WDR41: variants seen among roughly 807,000 people sequenced by gnomAD.
The protein encoded by WDR41 is WD repeat domain 41, also known as WD repeat-containing protein 41.
In WDR41, 63 loss-of-function variants were observed where a neutral mutation model predicts 69.3. The observed-to-expected ratio is 0.91, with a 90% confidence interval of 0.74 to 1.12. The LOEUF (loss-of-function observed/expected upper bound fraction) is 1.12, where lower values mean the gene tolerates loss of function less well. WDR41 is among the 50% of genes most tolerant of loss of function. The pLI, the probability that WDR41 is intolerant of heterozygous loss-of-function variation, is 0.00. For missense variants in WDR41, 543 were observed against 534.5 expected, an observed-to-expected ratio of 1.02 and a Z score of -0.16; for synonymous variants, 185 against 192.1, an observed-to-expected ratio of 0.96 and a Z score of 0.31.
At chr5:77,483,657 G>A (rs1801389016) in intron 2 of WDR41, among the ~76,000 whole-genome samples, 1 of 152,008 alleles carries the variant, frequency 6.6e-6, no homozygotes, top group Non-Finnish European at 1.5e-5. Context: ...CACATTAGAG[G>A]TTGCAAAATT....
intron 1 of WDR41, among the ~76,000 whole-genome samples, chr5:77,617,350 A>C (rs576380639): frequency 2.0e-5 from 3 of 152,312 alleles, no homozygotes; most frequent in African/African-American, 4.8e-5. Context: ...TTATATACAA[A>C]ACATTCTTTA....
rs145128138 is a variant in WDR41, at chr5:77,446,961, G to C, written c.697+2799C>G. Among the ~76,000 whole-genome samples, 527 of 152,238 alleles carry C rather than the reference G, an allele frequency of 3.5e-3. 4 individuals carry two copies. Among genetic ancestry groups the C allele is most frequent in the African/African-American group, 0.012 (496 of 41,544 alleles). On this transcript the variant is annotated intron_variant, in intron 8 of 12. Coordinates refer to ENST00000296679, the MANE Select transcript of WDR41 (RefSeq NM_018268.4). Reference sequence around the variant, plus strand: ...ACTAAAGAGCTTCTGCACAGCAAAAGAAACTACCATCAGAGTGAAAAGGCA... The same window carrying C: ...ACTAAAGAGCTTCTGCACAGCAAAACAAACTACCATCAGAGTGAAAAGGCA...
intron 1 of WDR41, among the ~76,000 whole-genome samples, chr5:77,521,260 C>T (rs955097159): frequency 1.3e-5 from 2 of 152,202 alleles, no homozygotes; most frequent in African/African-American, 4.8e-5. Context: ...ACCTATATAC[C>T]TCGCATGCGC....
intron 2 of WDR41, among the ~76,000 whole-genome samples, chr5:77,482,850 C>A (rs1581756474): frequency 6.7e-6 from 1 of 148,492 alleles, no homozygotes; most frequent in African/African-American, 2.5e-5. Context: ...GTCCTCCCCA[C>A]ATCTACCTGA....
intron 1 of WDR41, among the ~76,000 whole-genome samples, chr5:77,500,211 A>G (rs1236558749): frequency 2.0e-5 from 3 of 152,266 alleles, no homozygotes; most frequent in South Asian, 4.1e-4. Flanking sequence ...TGAAACAAAC[A>G]TTAAAACACA....
intron 2 of WDR41, among the ~76,000 whole-genome samples, chr5:77,474,448 T>A (rs938754885): frequency 6.6e-6 from 1 of 151,968 alleles, no homozygotes; most frequent in East Asian, 1.9e-4. Context: ...ACAAAAAAAA[T>A]CACAATTTTC....
chr5:77,526,364 T>G (rs1802447264), intron 1 of WDR41, among the ~76,000 whole-genome samples: 1 of 152,128 alleles, frequency 6.6e-6, no homozygotes, highest in African/African-American at 2.4e-5. Flanking sequence ...AATGATCCCT[T>G]AATATCATCT....
rs565440780 is a variant in WDR41, at chr5:77,577,440, A to G, written c.42+43039T>C. ...TCTCGGTAGTAATCAAGAGATGCAAATTAATAAAACAAAGAGAATCATTTC... is the reference window on the plus strand; with the variant it reads ...TCTCGGTAGTAATCAAGAGATGCAAGTTAATAAAACAAAGAGAATCATTTC... On this transcript the variant is annotated intron_variant, in intron 1 of 5. Coordinates refer to the WDR41 transcript ENST00000509971. Among the ~76,000 whole-genome samples, 45 of 152,326 alleles carry G rather than the reference A, an allele frequency of 3.0e-4. 2 individuals are homozygous for G. The South Asian group carries it at 9.3e-3, about 32-fold the overall frequency.
At chr5:77,464,559 T>G (rs147691651) in intron 3 of WDR41, among the ~76,000 whole-genome samples, 17 of 152,102 alleles carry the variant, frequency 1.1e-4, no homozygotes, top group Non-Finnish European at 2.2e-4. Context: ...AAAAAAAATC[T>G]CAATTTAAAA....
At chr5:77,594,447 T>G (rs1744189977) in intron 1 of WDR41, among the ~76,000 whole-genome samples, 1 of 151,534 alleles carries the variant, frequency 6.6e-6, no homozygotes, top group Non-Finnish European at 1.5e-5. Context: ...AAAAAAGAAA[T>G]AAAAAAAGAA....
Position 77,438,343 on chromosome 5 carries a change from C to T in WDR41, c.901G>A (p.Gly301Arg), listed in dbSNP as rs560941217. 1.2e-5 allele frequency: 19 copies of T among 1,613,960 alleles called. No homozygotes were observed. The African/African-American group carries it at 2.5e-4, about 22-fold the overall frequency. The change falls in exon 10 of 13, where the codon GGA becomes AGA. Residue 301 changes from glycine to arginine, a missense_variant. Physicochemically the swap from Gly to Arg is moderately radical, Grantham distance 125 (BLOSUM62 -2). Transcript: ENST00000296679. Reference protein sequence around the residue: ...CDEENVFAAVGRGLYVYSLQM... With the variant: ...CDEENVFAAVRRGLYVYSLQM... The stretch of plus-strand genomic sequence containing the variant: ...AGGCTATACACGTATAAACCCCTTC[C>T]AACTGCAGCAAATACATTCTAGGGG...
chr5:77,608,974 C>A (rs577277570), intron 1 of WDR41, among the ~76,000 whole-genome samples: 1 of 152,302 alleles, frequency 6.6e-6, no homozygotes, highest in South Asian at 2.1e-4. Context: ...TTCCGACGGG[C>A]TTAAAAAACG....
intron 2 of WDR41, among the ~76,000 whole-genome samples, chr5:77,483,474 G>T (rs529079790): frequency 1.6e-3 from 212 of 130,908 alleles, no homozygotes; most frequent in African/African-American, 6.0e-3. Context: ...CGAGTTACCT[G>T]AATACTCGTG....
At chr5:77,508,819 TC>T (rs35870105) in intron 1 of WDR41, among the ~76,000 whole-genome samples, 82,616 of 151,542 alleles carry the variant, frequency 0.55, 23,921 homozygotes, top group African/African-American at 0.73. Flanking sequence ...GCGTGAAGCT[TC>T]TGTACTCATC....
chr5:77,529,788 T>C (rs1474848617), intron 1 of WDR41, among the ~76,000 whole-genome samples: 3 of 151,604 alleles, frequency 2.0e-5, no homozygotes, highest in East Asian at 1.9e-4. Context: ...CTTTAAAAGA[T>C]AAATGGTTCT....
intron 1 of WDR41, among the ~76,000 whole-genome samples, chr5:77,525,594 A>G (rs1802434229): frequency 6.6e-6 from 1 of 152,106 alleles, no homozygotes; most frequent in African/African-American, 2.4e-5. Context: ...GGGTTTAGGG[A>G]AGATCTAGAC....
At chr5:77,437,726 CT>C (rs1304797494) in intron 10 of WDR41, among the ~76,000 whole-genome samples, 1 of 152,140 alleles carries the variant, frequency 6.6e-6, no homozygotes, top group African/African-American at 2.4e-5. Flanking sequence ...CCCTTCCCTC[CT>C]CTTGCTACCT....
chr5:77,448,267 T>C (rs541183221), intron 8 of WDR41, among the ~76,000 whole-genome samples: 1 of 152,302 alleles, frequency 6.6e-6, no homozygotes, highest in East Asian at 1.9e-4. Flanking sequence ...TTCAGAGGGC[T>C]TCCCAAATAA....
intron 1 of WDR41, among the ~76,000 whole-genome samples, chr5:77,617,013 C>T (rs1340126574): frequency 6.6e-6 from 1 of 152,220 alleles, no homozygotes; most frequent in African/African-American, 2.4e-5. Flanking sequence ...TGTCCATGTC[C>T]ATTGCTCCAT....
Sources: gnomAD v4.1 joint callset for allele counts (sites outside exome capture counted in the v4.1 genomes callset) on GRCh38, gnomAD v4.1.1 for gene constraint, MANE v1.5 for transcripts, NCBI Gene and HGNC (gene_info 2026-07-23, HGNC 2026-07-21) for gene names.